GPC5: variants seen among roughly 807,000 people sequenced by gnomAD.
The protein encoded by GPC5 is glypican-5.
GPC5 carries 47 observed loss-of-function variants against 53.9 expected under a neutral mutation model. The ratio of observed to expected loss-of-function variants is 0.87; its 90% CI spans 0.69 to 1.11. The LOEUF (loss-of-function observed/expected upper bound fraction) is 1.11. GPC5 is among the 50% of genes most tolerant of loss of function. The probability of loss-of-function intolerance (pLI) is 0.00; values close to 1 mark genes in which losing one functional copy is unlikely to be tolerated. For synonymous variants in GPC5, 286 were observed against 263.3 expected, an observed-to-expected ratio of 1.09 and a Z score of -0.84; for missense variants, 748 against 713.1, an observed-to-expected ratio of 1.05 and a Z score of -0.56.
At chr13:92,002,992 C>G (rs1230970225) in intron 6 of GPC5, among the ~76,000 whole-genome samples, 3 of 151,976 alleles carry the variant, frequency 2.0e-5, no homozygotes. Flanking sequence ...AGGTACTTAA[C>G]AAAATTTAAA....
At chr13:92,456,067 G>A (rs2374015) in intron 7 of GPC5, among the ~76,000 whole-genome samples, 2 of 152,028 alleles carry the variant, frequency 1.3e-5, no homozygotes, top group Non-Finnish European at 2.9e-5. Context: ...GCTTTAAAAA[G>A]GATACAATAA....
intron 7 of GPC5, among the ~76,000 whole-genome samples, chr13:92,212,949 A>AC (rs1367879365): frequency 1.6e-4 from 24 of 152,308 alleles, no homozygotes; most frequent in African/African-American, 5.8e-4. Flanking sequence ...TCCCTTGGCA[A>AC]TGTAGCCAGT....
chr13:92,528,019 A>T (rs1477626594), intron 7 of GPC5, among the ~76,000 whole-genome samples: 1 of 152,140 alleles, frequency 6.6e-6, no homozygotes, highest in African/African-American at 2.4e-5. Context: ...TAAAAATTGA[A>T]TTTTTATTGT....
intron 7 of GPC5, among the ~76,000 whole-genome samples, chr13:92,741,626 G>A (rs1216957653): frequency 6.6e-6 from 1 of 152,038 alleles, no homozygotes; most frequent in Non-Finnish European, 1.5e-5. Context: ...TAGGGTACAT[G>A]TGCACAATAT....
At chr13:92,395,488 A>G (rs776166901) in intron 7 of GPC5, among the ~76,000 whole-genome samples, 1 of 152,112 alleles carries the variant, frequency 6.6e-6, no homozygotes, top group Non-Finnish European at 1.5e-5. Context: ...TATTTTAAAC[A>G]TTTATCTTCT....
intron 5 of GPC5, among the ~76,000 whole-genome samples, chr13:91,808,894 C>T (rs1447120643): frequency 1.3e-5 from 2 of 152,048 alleles, no homozygotes; most frequent in Non-Finnish European, 1.5e-5. Context: ...CTCTGTATTT[C>T]AGGACTTAGT....
At chr13:92,865,512 G>T (rs1488844901) in intron 7 of GPC5, among the ~76,000 whole-genome samples, 1 of 152,192 alleles carries the variant, frequency 6.6e-6, no homozygotes, top group Non-Finnish European at 1.5e-5. Context: ...TGTGGGGAAG[G>T]GAGGGGAGAT....
intron 2 of GPC5, among the ~76,000 whole-genome samples, chr13:91,603,271 T>G (rs193197787): frequency 6.6e-6 from 1 of 152,346 alleles, no homozygotes; most frequent in African/African-American, 2.4e-5. Context: ...TCTCCGTAAA[T>G]GATGTAGTGT....
chr13:91,620,613 G>A (rs1339891085), intron 2 of GPC5, among the ~76,000 whole-genome samples: 3 of 152,078 alleles, frequency 2.0e-5, no homozygotes, highest in African/African-American at 7.2e-5. Context: ...TTAAGTTATG[G>A]TCTCTCTGCC....
intron 6 of GPC5, among the ~76,000 whole-genome samples, chr13:91,920,698 G>C (rs898888649): frequency 6.6e-6 from 1 of 152,058 alleles, no homozygotes; most frequent in Non-Finnish European, 1.5e-5. Flanking sequence ...AAAATTGATT[G>C]CATAAAAAAA....
chr13:92,543,468 G>T (rs1390012988), intron 7 of GPC5, among the ~76,000 whole-genome samples: 1 of 151,916 alleles, frequency 6.6e-6, no homozygotes, highest in Non-Finnish European at 1.5e-5. Context: ...AAGTGTGACT[G>T]CTCTGGGTAT....
chr13:92,120,881 T>A (rs1206982868), intron 6 of GPC5, among the ~76,000 whole-genome samples: 1 of 152,220 alleles, frequency 6.6e-6, no homozygotes, highest in Non-Finnish European at 1.5e-5. Context: ...ATTTGAAATT[T>A]AGCTTTCAAC....
intron 7 of GPC5, among the ~76,000 whole-genome samples, chr13:92,769,337 T>C (rs1402840634): frequency 6.6e-6 from 1 of 152,208 alleles, no homozygotes; most frequent in Non-Finnish European, 1.5e-5. Context: ...TCATGCTTTC[T>C]ATATACTGCA....
intron 5 of GPC5, among the ~76,000 whole-genome samples, chr13:91,854,628 A>T (rs1225033553): frequency 6.6e-6 from 1 of 151,632 alleles, no homozygotes; most frequent in Non-Finnish European, 1.5e-5. Context: ...TTTTTAAAAG[A>T]TTCTGAAAAT....
At position 92,381,850 on chromosome 13, in the gene GPC5, C is replaced by CATATATGATTATATATATCAT. The variant is rs1385644442; in HGVS notation, c.1561+236880_1561+236900dup. 1.6e-4 allele frequency among the ~76,000 whole-genome samples: 6 copies of CATATATGATTATATATATCAT among 36,838 alleles called. 1 individual carries two copies. The highest frequency in any genetic ancestry group is 6.2e-4 in the South Asian group (1 of 1,626). 24.2% of individuals were successfully genotyped at this position (36,838 alleles called of 152,430 possible). A position where few individuals can be genotyped will look rare whatever the true frequency, so the allele number is the denominator to read the frequency against. On this transcript the variant is annotated intron_variant, in intron 7 of 7. Coordinates refer to ENST00000377067, the MANE Select transcript of GPC5 (RefSeq NM_004466.6). ...TCATATATATTATATTGTATATGATCATATATGATTATATATATCATATAT... is the reference window on the plus strand; with the variant it reads ...TCATATATATTATATTGTATATGATCATATATGATTATATATATCATATATATGATTATATATATCATATAT...
chr13:92,353,360 A>T (rs938124940), intron 7 of GPC5, among the ~76,000 whole-genome samples: 6 of 151,982 alleles, frequency 3.9e-5, no homozygotes, highest in South Asian at 4.1e-4. Context: ...TGAAAGAAAT[A>T]TAATGGTACA....
At chr13:92,832,670 C>G (rs1295784484) in intron 7 of GPC5, among the ~76,000 whole-genome samples, 1 of 152,028 alleles carries the variant, frequency 6.6e-6, no homozygotes, top group African/African-American at 2.4e-5. Flanking sequence ...TACTCCAACC[C>G]AAATTTCCCA....
rs139274066 is a variant in GPC5, at chr13:92,847,750, C to T, written c.1562-18532C>T. 9.2e-5 allele frequency among the ~76,000 whole-genome samples: 14 copies of T among 151,982 alleles called. No individual in the cohort carries two copies. In the East Asian group the frequency reaches 1.5e-3, roughly 17 times the overall value. ...AGATTTGTTTTTTGTATATAGCTAA[C>T]GTTTGTTGAGCCTGTGTTCTATAGG... On this transcript the variant is annotated intron_variant, in intron 7 of 7. Transcript: ENST00000377067.
chr13:92,865,192 T>C (rs968877567), intron 7 of GPC5, among the ~76,000 whole-genome samples: 2 of 152,194 alleles, frequency 1.3e-5, no homozygotes, highest in African/African-American at 4.8e-5. Context: ...CGTACGGAAG[T>C]AATAACCAGA....
Sources: gnomAD v4.1 joint callset for allele counts (sites outside exome capture counted in the v4.1 genomes callset) on GRCh38, gnomAD v4.1.1 for gene constraint, MANE v1.5 for transcripts, NCBI Gene and HGNC (gene_info 2026-07-23, HGNC 2026-07-21) for gene names.